Variants in CUX2 observed in about 807,000 individuals in gnomAD.
The protein encoded by CUX2 is homeobox protein cut-like 2.
A neutral mutation model predicts 144.8 loss-of-function variants in CUX2; 40 were observed. The observed-to-expected ratio is 0.28, with a 90% CI of 0.21 to 0.36. CUX2 has a LOEUF of 0.36. Among genes scored for constraint, CUX2 ranks in the 10% least tolerant of loss-of-function variants. CUX2 has a pLI of 1.00. For synonymous variants in CUX2, 827 were observed against 875.6 expected, an observed-to-expected ratio of 0.94 and a Z score of 0.98; for missense variants, 1,615 against 1,994.0, an observed-to-expected ratio of 0.81 and a Z score of 3.62.
chr12:111,080,315 T>C (rs1235650276), intron 1 of CUX2, among the ~76,000 whole-genome samples: 1 of 152,182 alleles, frequency 6.6e-6, no homozygotes, highest in Admixed American at 6.5e-5. Context: ...TCCTTAGCAC[T>C]TAACATGATT....
At chr12:111,280,274 G>A (rs573021485) in intron 4 of CUX2, among the ~76,000 whole-genome samples, 1 of 152,206 alleles carries the variant, frequency 6.6e-6, no homozygotes, top group Non-Finnish European at 1.5e-5. Context: ...GGGTGACAGA[G>A]CAAGACTCTG....
rs933100831 is a variant in CUX2, at chr12:111,255,084, G to A, written c.223-8677G>A. Among the ~76,000 whole-genome samples, 4 of 152,062 alleles carry A rather than the reference G, an allele frequency of 2.6e-5. No homozygotes were observed. The highest frequency in any genetic ancestry group is 6.6e-5 in the Admixed American group (1 of 15,248). ...ACTCCTGACCACAGATGATCCCTCCGCCTCGGCCTCCCAAAGTGCTGGGAT... is the reference window on the plus strand; with the variant it reads ...ACTCCTGACCACAGATGATCCCTCCACCTCGGCCTCCCAAAGTGCTGGGAT... On this transcript the variant is annotated intron_variant, in intron 3 of 21. Coordinates refer to ENST00000261726, the MANE Select transcript of CUX2 (RefSeq NM_015267.4). The surrounding 1 kb of genome is among the most constrained non-coding windows in gnomAD (Gnocchi z 4.1).
chr12:111,262,379 CT>C (rs5800924), intron 3 of CUX2, among the ~76,000 whole-genome samples: 433 of 139,468 alleles, frequency 3.1e-3, no homozygotes, highest in East Asian at 0.018. Context: ...TGTAATGGAT[CT>C]TTTTTTTTTT....
chr12:111,268,128 A>G (rs879463224), intron 4 of CUX2, among the ~76,000 whole-genome samples: 1 of 151,864 alleles, frequency 6.6e-6, no homozygotes, highest in Non-Finnish European at 1.5e-5. Flanking sequence ...TTGTCATTAG[A>G]TTTTGGGGCC....
At chr12:111,228,687 G>T (rs1882306586) in intron 3 of CUX2, among the ~76,000 whole-genome samples, 2 of 152,046 alleles carry the variant, frequency 1.3e-5, no homozygotes, top group Non-Finnish European at 2.9e-5. Context: ...GCCTCCCCAA[G>T]TGCTAGGATT....
chr12:111,244,367 G>A (rs181732916), intron 3 of CUX2, among the ~76,000 whole-genome samples: 35 of 152,328 alleles, frequency 2.3e-4, no homozygotes, highest in Admixed American at 5.9e-4. Context: ...CTGTTCTTCT[G>A]GGTGCTTGTC....
intron 1 of CUX2, among the ~76,000 whole-genome samples, chr12:111,177,686 C>G (rs1347212189): frequency 1.3e-5 from 2 of 152,218 alleles, no homozygotes; most frequent in African/African-American, 2.4e-5. Context: ...CCACCGTGCC[C>G]AGCCGAGGAT....
chr12:111,219,062 T>C (rs1432213124), intron 3 of CUX2, among the ~76,000 whole-genome samples: 1 of 152,156 alleles, frequency 6.6e-6, no homozygotes, highest in African/African-American at 2.4e-5. Flanking sequence ...TTGGCCGTAC[T>C]CGGATCTCAC....
At chr12:111,174,891 A>C (rs1592803507) in intron 1 of CUX2, among the ~76,000 whole-genome samples, 1 of 152,368 alleles carries the variant, frequency 6.6e-6, no homozygotes, top group East Asian at 1.9e-4. Context: ...AAAAATGGCC[A>C]AATAGCAGCA....
At chr12:111,217,812 A>G in intron 2 of CUX2, 78 bp from the exon 3 acceptor site, 3 of 1,443,950 alleles carry the variant, frequency 2.1e-6, no homozygotes, top group Non-Finnish European at 9.7e-7. Context: ...AGCCAGGGAC[A>G]GCAGCGAGCT....
chr12:111,185,453 A>G (rs1879468596), intron 1 of CUX2, among the ~76,000 whole-genome samples: 3 of 152,222 alleles, frequency 2.0e-5, no homozygotes, highest in Non-Finnish European at 4.4e-5. Context: ...CACCCAGAGC[A>G]GGGACAGGTG....
chr12:111,350,455 C>T lies in CUX2; in HGVS notation c.*2130C>T, dbSNP rs1388970492. The T allele has an allele frequency of 6.6e-6, 1 of 152,336 alleles. No homozygotes were observed. The highest frequency in any genetic ancestry group is 2.4e-5 in the African/African-American group (1 of 41,402). The allele number at this position is 152,336 out of a possible 1,614,324, so 9.4% of individuals were successfully genotyped here. ...CGGTTAAAAAACACACACACACATA[C>T]ACAAACCGTTTCTATGAGAGATTGA... On this transcript the variant is annotated 3_prime_UTR_variant, in exon 22 of 22. Coordinates refer to ENST00000261726, the MANE Select transcript of CUX2 (RefSeq NM_015267.4).
chr12:111,092,941 G>A (rs922199592), intron 1 of CUX2, among the ~76,000 whole-genome samples: 3 of 150,630 alleles, frequency 2.0e-5, no homozygotes, highest in Non-Finnish European at 4.4e-5. Context: ...TCATCCTCCC[G>A]AGTAGCTGGA....
chr12:111,302,914 AAAAAG>A (rs1214361974), intron 9 of CUX2, among the ~76,000 whole-genome samples: 4 of 149,984 alleles, frequency 2.7e-5, no homozygotes, highest in Non-Finnish European at 4.4e-5. Flanking sequence ...AAAAAAAAAA[AAAAAG>A]AAAAGAAAAA....
intron 4 of CUX2, among the ~76,000 whole-genome samples, chr12:111,284,716 T>C (rs572346505): frequency 6.6e-6 from 1 of 152,294 alleles, no homozygotes; most frequent in South Asian, 2.1e-4. Context: ...AGAGCCGCAC[T>C]TTGAGCTCAC....
At chr12:111,321,713 G>C (rs1275028115) in intron 17 of CUX2, among the ~76,000 whole-genome samples, 1 of 152,002 alleles carries the variant, frequency 6.6e-6, no homozygotes, top group Non-Finnish European at 1.5e-5. Flanking sequence ...AAAAAGAAAG[G>C]GTTAAATAAA....
At chr12:111,211,671 G>T (rs899180791) in intron 1 of CUX2, among the ~76,000 whole-genome samples, 3 of 152,154 alleles carry the variant, frequency 2.0e-5, no homozygotes, top group Non-Finnish European at 4.4e-5. Context: ...GGATCATGAG[G>T]TCAGGAGATC....
intron 3 of CUX2, among the ~76,000 whole-genome samples, chr12:111,245,477 C>T (rs1404100556): frequency 6.6e-6 from 1 of 151,724 alleles, no homozygotes; most frequent in Non-Finnish European, 1.5e-5. Context: ...TTTTAATAAA[C>T]CAGACATGGT....
At position 111,279,015 on chromosome 12, in the gene CUX2, A is replaced by G. The variant is rs1885004527; in HGVS notation, c.302-12403A>G. ...AGGTGGGAAGAAATGAGTTCCCTGT[A>G]CAATGTAAAATCTGGGAACACAGCA... On this transcript the variant is annotated intron_variant, in intron 4 of 21. Transcript: ENST00000261726. Among the ~76,000 whole-genome samples the G allele has an allele frequency of 3.3e-5, 5 of 152,218 alleles. 1 individual carries two copies. The South Asian group carries it at 1.0e-3, about 32-fold the overall frequency.
Sources: gnomAD v4.1 joint callset for allele counts (sites outside exome capture counted in the v4.1 genomes callset) on GRCh38, gnomAD v4.1.1 for gene constraint, Gnocchi (gnomAD v3.1) non-coding constraint, MANE v1.5 for transcripts, NCBI Gene and HGNC (gene_info 2026-07-23, HGNC 2026-07-21) for gene names.